Variants in MGST1 observed in about 807,000 individuals in gnomAD.
MGST1 encodes microsomal glutathione S-transferase 1.
In MGST1, 5 loss-of-function variants were observed where a neutral mutation model predicts 8.9. The ratio of observed to expected loss-of-function variants is 0.56; its 90% CI spans 0.29 to 1.19. MGST1 has a LOEUF of 1.19. Among genes scored for constraint, MGST1 ranks in the 50% most tolerant of loss-of-function variants. The probability of loss-of-function intolerance (pLI) is 0.08; values close to 1 mark genes in which losing one functional copy is unlikely to be tolerated. For synonymous variants in MGST1, 54 were observed against 67.8 expected (o/e 0.80, Z 1.00); for missense variants, 182 against 187.4 (o/e 0.97, Z 0.17).
At chr12:16,414,627 G>T (rs1940770556) in intron 1 of MGST1, among the ~76,000 whole-genome samples, 1 of 151,678 alleles carries the variant, frequency 6.6e-6, no homozygotes, top group Non-Finnish European at 1.5e-5. Flanking sequence ...ATGTTAGCCA[G>T]GATAGTCTCC....
chr12:16,420,772 C>G (rs1199126228), intron 1 of MGST1, among the ~76,000 whole-genome samples: 1 of 152,176 alleles, frequency 6.6e-6, no homozygotes, highest in African/African-American at 2.4e-5. Context: ...TGCCAGAGGA[C>G]TCAACTGAGC....
intron 4 of MGST1, chr12:16,514,484 C>T: frequency 4.0e-6 from 1 of 250,458 alleles, no homozygotes; most frequent in South Asian, 4.8e-5. Context: ...GTTCTACCCA[C>T]TACTGGCCAC....
intron 4 of MGST1, among the ~76,000 whole-genome samples, chr12:16,533,913 A>G (rs1467022898): frequency 4.6e-5 from 7 of 152,142 alleles, no homozygotes; most frequent in Non-Finnish European, 8.8e-5. Flanking sequence ...AGGATATTCC[A>G]GGCAGAGGGA....
chr12:16,414,711 G>A lies in MGST1; in HGVS notation n.779-22677G>A, dbSNP rs554906124. Among the ~76,000 whole-genome samples the A allele has an allele frequency of 4.7e-4, 72 of 152,218 alleles. 1 individual carries two copies. In the East Asian group the frequency reaches 0.012, roughly 25 times the overall value. ...ATTACAGGTGTGAGCCACCGCGCCC[G>A]GCCAAGGTGGTTATTTTAAAAATAT... is the stretch of plus-strand genomic sequence containing the variant. On this transcript the variant is annotated intron_variant and non_coding_transcript_variant, in intron 1 of 1. Transcript: ENST00000359720.
chr12:16,536,532 T>A (rs914134143), intron 4 of MGST1, among the ~76,000 whole-genome samples: 4 of 152,132 alleles, frequency 2.6e-5, no homozygotes, highest in Admixed American at 6.5e-5. Context: ...TGGCACTAAG[T>A]AAAAAGGCAA....
In MGST1 at chr12:16,524,956, C is replaced by T. The variant is rs117384482; in HGVS notation, n.483-64572C>T. On this transcript the variant is annotated intron_variant and non_coding_transcript_variant, in intron 4 of 4. Transcript: ENST00000538857. ...ATATCATCTAATCCCCATTGTAATC[C>T]TATAGATGGCCACTGTTATTGCCTT... 1.1e-3 allele frequency among the ~76,000 whole-genome samples: 167 copies of T among 152,062 alleles called. 1 individual carries two copies. The highest frequency in any genetic ancestry group is 6.8e-3 in the Middle Eastern group (2 of 292).
At chr12:16,502,021 T>C (rs1186613998) in intron 4 of MGST1, among the ~76,000 whole-genome samples, 2 of 152,166 alleles carry the variant, frequency 1.3e-5, no homozygotes, top group Non-Finnish European at 2.9e-5. Context: ...TATTTAATAT[T>C]ACTGAGAAGC....
chr12:16,416,206 C>G (rs1940787276), intron 1 of MGST1, among the ~76,000 whole-genome samples: 1 of 152,188 alleles, frequency 6.6e-6, no homozygotes, highest in African/African-American at 2.4e-5. Flanking sequence ...CAATTTATAC[C>G]TCTACTTTAA....
chr12:16,394,257 A>G (rs923480335), intron 1 of MGST1, among the ~76,000 whole-genome samples: 4 of 151,710 alleles, frequency 2.6e-5, no homozygotes, highest in Admixed American at 2.0e-4. Context: ...TTATTTTTTT[A>G]TTGTGGCAAG....
intron 4 of MGST1, among the ~76,000 whole-genome samples, chr12:16,581,022 C>G (rs1347354998): frequency 6.6e-6 from 1 of 152,096 alleles, no homozygotes; most frequent in Non-Finnish European, 1.5e-5. Flanking sequence ...GAAATTGCAG[C>G]CACTAACAAA....
intron 2 of MGST1, 167 bp downstream of exon 2, chr12:16,354,545 G>A (rs1939624010): frequency 9.5e-6 from 5 of 528,436 alleles, no homozygotes; most frequent in Non-Finnish European, 1.6e-5. Context: ...TGTATTTATG[G>A]AACAGTTGCT....
At position 16,355,285 on chromosome 12, in the gene MGST1, T is replaced by A. The variant is rs567105529; in HGVS notation, c.126+907T>A. 4.0e-5 allele frequency among the ~76,000 whole-genome samples: 6 copies of A among 150,780 alleles called. No homozygotes were observed. The Admixed American group carries it at 4.0e-4, about 10-fold the overall frequency. Reference sequence around the variant, plus strand: ...GTGCAGTGGCAGGATCTCGGCTCACTGCAACCTCTGCCTCCTGGGTTCAAG... The same window carrying A: ...GTGCAGTGGCAGGATCTCGGCTCACAGCAACCTCTGCCTCCTGGGTTCAAG... On this transcript the variant is annotated intron_variant, in intron 2 of 3. Transcript: ENST00000396210.
rs1940085424 is a variant in MGST1 at position 16,363,384 on chromosome 12, T to G, written c.222-411T>G. On this transcript the variant is annotated intron_variant, in intron 3 of 3. Coordinates refer to ENST00000396210, the MANE Select transcript of MGST1 (RefSeq NM_020300.5). The surrounding 1 kb of genome is among the most constrained non-coding windows in gnomAD (Gnocchi z 4.6). ...GAGTAGCAGAAGCAAAGGAGGTGTC[T>G]TAAGAAAAATCAACACCAAAAGGGT... 1 of 152,470 alleles carries G rather than the reference T, an allele frequency of 6.6e-6. No individual in the cohort carries two copies. The highest frequency in any genetic ancestry group is 1.5e-5 in the Non-Finnish European group (1 of 68,250). 9.4% of individuals were successfully genotyped at this position (152,470 alleles called of 1,614,324 possible).
intron 4 of MGST1, among the ~76,000 whole-genome samples, chr12:16,541,408 C>T (rs1263753622): frequency 6.6e-6 from 1 of 152,156 alleles, no homozygotes; most frequent in Middle Eastern, 3.2e-3. Context: ...CTGACATTTG[C>T]ACAATGGCTT....
intron 4 of MGST1, among the ~76,000 whole-genome samples, chr12:16,485,014 C>T (rs1298755616): frequency 6.6e-6 from 1 of 152,180 alleles, no homozygotes; most frequent in Non-Finnish European, 1.5e-5. Flanking sequence ...ACATCAAAAT[C>T]GTTCTTGCTA....
intron 4 of MGST1, among the ~76,000 whole-genome samples, chr12:16,527,459 G>A (rs1941694563): frequency 1.3e-5 from 2 of 151,952 alleles, no homozygotes; most frequent in Admixed American, 1.3e-4. Context: ...TTTGAATAAG[G>A]CTAATAAATC....
chr12:16,578,122 G>A (rs77208879), intron 4 of MGST1, among the ~76,000 whole-genome samples: 1,929 of 152,160 alleles, frequency 0.013, 38 homozygotes, highest in African/African-American at 0.045. Context: ...CAGAAGTCTT[G>A]CCAGGCAACA....
chr12:16,354,148 G>A, intron 1 of MGST1, 83 bp from the exon 2 acceptor site: 2 of 954,464 alleles, frequency 2.1e-6, no homozygotes, highest in Non-Finnish European at 3.1e-6. Context: ...AATTAATGCT[G>A]CAATATAAGA....
Position 16,513,598 on chromosome 12 carries a change from C to A in MGST1, n.483-75930C>A. On this transcript the variant is annotated intron_variant and non_coding_transcript_variant, in intron 4 of 4. Coordinates refer to the MGST1 transcript ENST00000538857. The surrounding 1 kb of genome is among the most constrained non-coding windows in gnomAD (Gnocchi z 4.2). ...TCTGGGAGTTAGTGCCTACAGGGAC[C>A]ACAACGGAAAGCCTTACAGCATCCA... 2.0e-6 allele frequency: 1 copy of A among 494,506 alleles called. No homozygotes were observed. The highest frequency in any genetic ancestry group is 4.1e-6 in the Non-Finnish European group (1 of 242,572). The allele number at this position is 494,506 out of a possible 1,614,324, so 30.6% of individuals were successfully genotyped here. A position where few individuals can be genotyped will look rare whatever the true frequency, so the allele number is the denominator to read the frequency against.
Sources: gnomAD v4.1 joint callset for allele counts (sites outside exome capture counted in the v4.1 genomes callset) on GRCh38, gnomAD v4.1.1 for gene constraint, Gnocchi (gnomAD v3.1) non-coding constraint, MANE v1.5 for transcripts, NCBI Gene and HGNC (gene_info 2026-07-23, HGNC 2026-07-21) for gene names.